Variants in SLC16A10 observed in about 807,000 individuals in gnomAD.
The protein encoded by SLC16A10 is solute carrier family 16 member 10.
SLC16A10 carries 27 observed loss-of-function variants against 40.0 expected under a neutral mutation model. That is an observed-to-expected ratio of 0.67 (90% CI 0.50 to 0.93). The LOEUF (loss-of-function observed/expected upper bound fraction) is 0.93. Among genes scored for constraint, SLC16A10 ranks in the 40% least tolerant of loss-of-function variants. The probability of loss-of-function intolerance (pLI) is 0.00; values close to 1 mark genes in which losing one functional copy is unlikely to be tolerated. For missense variants in SLC16A10, 529 were observed against 658.2 expected, an observed-to-expected ratio of 0.80 and a Z score of 2.15; for synonymous variants, 213 against 249.8, an observed-to-expected ratio of 0.85 and a Z score of 1.39.
intron 3 of SLC16A10, among the ~76,000 whole-genome samples, chr6:111,180,361 T>C (rs1489723232): frequency 6.6e-6 from 1 of 152,244 alleles, no homozygotes; most frequent in South Asian, 2.1e-4. Context: ...TTGAGCAACA[T>C]AGTGAGATTC....
rs892498361 is a variant in SLC16A10 at position 111,222,157 on chromosome 6, GA to G, written c.1474del (p.Met492CysfsTer40). 2 of 1,606,772 alleles carry G rather than the reference GA, an allele frequency of 1.2e-6. No individual in the cohort carries two copies. Among genetic ancestry groups the G allele is most frequent in the Non-Finnish European group, 1.7e-6 (2 of 1,178,262 alleles). ...AAACCACTGGAAAAGAAAAGATGGAGAAAATGTTGGAAAACCAGAACTCTCT... is the reference window on the plus strand; with the variant it reads ...AAACCACTGGAAAAGAAAAGATGGAGAAATGTTGGAAAACCAGAACTCTCT... The part of the protein sequence containing the change: ...SKTTGKEKME[K>X]MLENQNSLLS... On this transcript the variant is annotated frameshift_variant, in exon 6 of 6. Coordinates refer to ENST00000368851, the MANE Select transcript of SLC16A10 (RefSeq NM_018593.5). LOFTEE classifies it high-confidence loss of function.
intron 1 of SLC16A10, among the ~76,000 whole-genome samples, chr6:111,130,985 ATT>A (rs1343959786): frequency 6.6e-6 from 1 of 152,240 alleles, no homozygotes; most frequent in East Asian, 1.9e-4. Context: ...ATGAGTGAGT[ATT>A]TGTAAAACAC....
At chr6:111,125,594 A>T (rs1303264590) in intron 1 of SLC16A10, among the ~76,000 whole-genome samples, 2 of 152,070 alleles carry the variant, frequency 1.3e-5, no homozygotes, top group Non-Finnish European at 2.9e-5. Flanking sequence ...GAGGCATGTA[A>T]TTTTTTTGGA....
intron 1 of SLC16A10, among the ~76,000 whole-genome samples, chr6:111,090,157 T>G (rs890496389): frequency 6.6e-6 from 1 of 152,150 alleles, no homozygotes; most frequent in Non-Finnish European, 1.5e-5. Flanking sequence ...GAATATCTTT[T>G]TTCTTTTTAC....
chr6:111,136,682 A>G (rs944087938), intron 1 of SLC16A10, among the ~76,000 whole-genome samples: 9 of 152,168 alleles, frequency 5.9e-5, no homozygotes, highest in African/African-American at 2.2e-4. Context: ...GGTTCCCTTG[A>G]CTGATCCCAA....
intron 3 of SLC16A10, among the ~76,000 whole-genome samples, chr6:111,191,038 C>CT (rs1414302003): frequency 6.6e-6 from 1 of 152,214 alleles, no homozygotes; most frequent in East Asian, 1.9e-4. Flanking sequence ...TATTATTATA[C>CT]TTTAAGTTAT....
At chr6:111,175,322 A>G (rs1192952034) in intron 2 of SLC16A10, among the ~76,000 whole-genome samples, 1 of 152,336 alleles carries the variant, frequency 6.6e-6, no homozygotes, top group Non-Finnish European at 1.5e-5. Flanking sequence ...CAGTAGTGCA[A>G]ATACCATCAT....
At chr6:111,192,513 T>G (rs1450953591) in intron 3 of SLC16A10, among the ~76,000 whole-genome samples, 1 of 152,190 alleles carries the variant, frequency 6.6e-6, no homozygotes, top group Non-Finnish European at 1.5e-5. Context: ...TGTTCCAACC[T>G]CTGCCTGTTA....
chr6:111,140,803 T>A (rs1233311582), intron 1 of SLC16A10, among the ~76,000 whole-genome samples: 1 of 152,116 alleles, frequency 6.6e-6, no homozygotes, highest in East Asian at 1.9e-4. Context: ...TTATTTTATT[T>A]GAGAGAGGGT....
chr6:111,203,751 T>TAAATAAATAAATAAA (rs1554261471), intron 3 of SLC16A10, among the ~76,000 whole-genome samples: 1 of 147,678 alleles, frequency 6.8e-6, no homozygotes, highest in African/African-American at 2.5e-5. Flanking sequence ...AATAAATAAA[T>TAAATAAATAAATAAA]AAAATAATGC....
rs1770949416 is a variant in SLC16A10, at chr6:111,224,112, C to T, written c.*1877C>T. 1 of 151,348 alleles carries T rather than the reference C, an allele frequency of 6.6e-6. No individual in the cohort carries two copies. The highest frequency in any genetic ancestry group is 2.4e-5 in the African/African-American group (1 of 41,110). The allele number at this position is 151,348 out of a possible 1,614,324, so 9.4% of individuals were successfully genotyped here. On this transcript the variant is annotated 3_prime_UTR_variant, in exon 6 of 6. Coordinates refer to ENST00000368851, the MANE Select transcript of SLC16A10 (RefSeq NM_018593.5). ...AAAATTAGCCAGGCATGATGGTGCC[C>T]ACCTGTAGCCCCAGCTACTCAGAGG... is the stretch of plus-strand genomic sequence containing the variant.
intron 1 of SLC16A10, among the ~76,000 whole-genome samples, chr6:111,115,680 C>T (rs1051806670): frequency 1.3e-5 from 2 of 152,188 alleles, no homozygotes; most frequent in Admixed American, 1.3e-4. Flanking sequence ...TAGAAAGGGT[C>T]AGGAGTACCT....
At chr6:111,121,560 TAAAC>T (rs890040811) in intron 1 of SLC16A10, among the ~76,000 whole-genome samples, 5 of 152,232 alleles carry the variant, frequency 3.3e-5, no homozygotes, top group African/African-American at 1.2e-4. Flanking sequence ...GACCCTGTCT[TAAAC>T]AAACAAAAGA....
At chr6:111,220,179 G>A (rs1770864454) in intron 5 of SLC16A10, among the ~76,000 whole-genome samples, 1 of 152,210 alleles carries the variant, frequency 6.6e-6, no homozygotes, top group South Asian at 2.1e-4. Flanking sequence ...ACTGCCAGGG[G>A]CTGGAGAGAA....
At chr6:111,181,694 G>C (rs192427643) in intron 3 of SLC16A10, among the ~76,000 whole-genome samples, 11 of 152,290 alleles carry the variant, frequency 7.2e-5, no homozygotes, top group African/African-American at 2.6e-4. Flanking sequence ...GATGATTTGA[G>C]AGAGAATATG....
At chr6:111,216,920 C>T (rs1236571673) in intron 4 of SLC16A10, among the ~76,000 whole-genome samples, 1 of 152,204 alleles carries the variant, frequency 6.6e-6, no homozygotes, top group Non-Finnish European at 1.5e-5. Context: ...CTGAATTCCA[C>T]CCAGAACTCA....
Position 111,105,879 on chromosome 6 carries a change from G to A in SLC16A10, c.343+17784G>A, listed in dbSNP as rs965673452. ...GAGGAAGAACCAGTAACAGCAGAGG[G>A]TGGATGAAAGGGAATTGATAGTTGT... On this transcript the variant is annotated intron_variant, in intron 1 of 5. Transcript: ENST00000368851. 3.9e-5 allele frequency among the ~76,000 whole-genome samples: 6 copies of A among 152,304 alleles called. No individual in the cohort carries two copies. In the East Asian group the frequency reaches 5.8e-4, roughly 15 times the overall value.
At chr6:111,144,188 A>C (rs761943075) in intron 1 of SLC16A10, among the ~76,000 whole-genome samples, 32 of 152,108 alleles carry the variant, frequency 2.1e-4, no homozygotes, top group Non-Finnish European at 4.3e-4. Flanking sequence ...TATTTGAGGG[A>C]AAATATTTGA....
At position 111,185,494 on chromosome 6, in the gene SLC16A10, T is replaced by C. The variant is rs73765933; in HGVS notation, c.942+7829T>C. ...CCAGCTTTTGTTTTGATATAATTAA[T>C]GGGAATGAGAAAATATCTATACCCT... On this transcript the variant is annotated intron_variant, in intron 3 of 5. Coordinates refer to ENST00000368851, the MANE Select transcript of SLC16A10 (RefSeq NM_018593.5). 1.7e-3 allele frequency among the ~76,000 whole-genome samples: 256 copies of C among 152,322 alleles called. 3 individuals are homozygous for C. Among genetic ancestry groups the C allele is most frequent in the African/African-American group, 5.6e-3 (234 of 41,576 alleles).
Sources: gnomAD v4.1 joint callset for allele counts (sites outside exome capture counted in the v4.1 genomes callset) on GRCh38, gnomAD v4.1.1 for gene constraint, MANE v1.5 for transcripts, NCBI Gene and HGNC (gene_info 2026-07-23, HGNC 2026-07-21) for gene names.